The following TMEM154 variants were observed in gnomAD, a reference collection of about 807,000 sequenced individuals.
TMEM154 encodes transmembrane protein 154.
Under a neutral mutation model 24.5 loss-of-function variants are expected in TMEM154, and 27 were observed. The ratio of observed to expected loss-of-function variants is 1.10; its 90% confidence interval spans 0.81 to 1.52. The LOEUF (loss-of-function observed/expected upper bound fraction) is 1.52. Ranked by LOEUF, TMEM154 falls within the 40% of genes most tolerant of loss-of-function variation. The pLI is 0.00. For missense variants in TMEM154, 228 were observed against 213.4 expected (o/e 1.07, Z -0.43); for synonymous variants, 67 against 76.8 (o/e 0.87, Z 0.67).
chr4:152,646,242 AG>A (rs1728226719), intron 3 of TMEM154, among the ~76,000 whole-genome samples: 1 of 152,140 alleles, frequency 6.6e-6, no homozygotes, highest in African/African-American at 2.4e-5. Context: ...CACAGGCTTC[AG>A]GGTGAGCAAA....
intron 3 of TMEM154, chr4:152,646,959 A>G: frequency 1.4e-6 from 1 of 704,058 alleles, no homozygotes; most frequent in South Asian, 1.5e-5. Context: ...GAGACCTCAC[A>G]CATCAAGACA....
rs1367172426 is a variant in TMEM154 at position 152,675,160 on chromosome 4, A to AG, written c.64+4709_64+4710insC. Among the ~76,000 whole-genome samples, 17 of 151,062 alleles carry AG rather than the reference A, an allele frequency of 1.1e-4. No homozygotes were observed. The East Asian group carries it at 1.7e-3, about 16-fold the overall frequency. On this transcript the variant is annotated intron_variant, in intron 1 of 6. Coordinates refer to ENST00000304385, the MANE Select transcript of TMEM154 (RefSeq NM_152680.3). ...CAGCAGAGCGAGGCTCCATCTCAAA[A>AG]AAAAAAAAAAAAAAAAAGAATGTGA... is the stretch of plus-strand genomic sequence containing the variant.
rs186466850 is a variant in TMEM154, at chr4:152,678,669, G to T, written c.64+1201C>A. On this transcript the variant is annotated intron_variant, in intron 1 of 6. Coordinates refer to ENST00000304385, the MANE Select transcript of TMEM154 (RefSeq NM_152680.3). ...GTTTCTTCACCTGTGTGCCCAATAT[G>T]GTTTGAGCTGCATCATCTTCAAGTT... Among the ~76,000 whole-genome samples the T allele has an allele frequency of 5.9e-5, 9 of 152,274 alleles. No homozygotes were observed. The East Asian group carries it at 1.7e-3, about 29-fold the overall frequency.
intron 3 of TMEM154, among the ~76,000 whole-genome samples, chr4:152,648,281 G>T (rs1303957782): frequency 6.6e-6 from 1 of 152,204 alleles, no homozygotes; most frequent in Non-Finnish European, 1.5e-5. Context: ...CTAGGAGTTT[G>T]AGACTTGCCT....
chr4:152,641,992 G>A (rs989315996), intron 5 of TMEM154, among the ~76,000 whole-genome samples: 6 of 128,770 alleles, frequency 4.7e-5, no homozygotes, highest in South Asian at 4.9e-4. Context: ...GCACAATCTC[G>A]GCTCACTGCA....
At position 152,629,910 on chromosome 4, in the gene TMEM154, T is replaced by C. The variant is rs115202153; in HGVS notation, c.537-1349A>G. On this transcript the variant is annotated intron_variant, in intron 6 of 6. Transcript: ENST00000304385. Reference sequence around the variant, plus strand: ...GAGACATTGTGTATAGGTTTGTGTGTGGTGTTTGTTCATGTTGTGAAGACA... The same window carrying C: ...GAGACATTGTGTATAGGTTTGTGTGCGGTGTTTGTTCATGTTGTGAAGACA... Among the ~76,000 whole-genome samples the C allele has an allele frequency of 8.8e-3, 1,342 of 152,232 alleles. 15 individuals carry two copies. The highest frequency in any genetic ancestry group is 0.013 in the Non-Finnish European group (863 of 67,990).
chr4:152,675,694 A>G (rs1467862884), intron 1 of TMEM154, among the ~76,000 whole-genome samples: 1 of 152,206 alleles, frequency 6.6e-6, no homozygotes, highest in Admixed American at 6.5e-5. Flanking sequence ...TAAAAGCCCA[A>G]TGGATGGCTT....
intron 1 of TMEM154, among the ~76,000 whole-genome samples, chr4:152,664,220 T>C (rs1158527885): frequency 2.0e-5 from 3 of 152,172 alleles, no homozygotes; most frequent in Admixed American, 2.0e-4. Context: ...TCAGGCCCTT[T>C]GCAAGGACAT....
intron 6 of TMEM154, among the ~76,000 whole-genome samples, chr4:152,630,876 A>G (rs953312310): frequency 6.6e-6 from 1 of 152,164 alleles, no homozygotes; most frequent in Non-Finnish European, 1.5e-5. Context: ...TTGTTCTGTA[A>G]TCTGCTTTTC....
At chr4:152,662,965 C>G in intron 1 of TMEM154, among the ~76,000 whole-genome samples, 1 of 152,212 alleles carries the variant, frequency 6.6e-6, no homozygotes, top group Middle Eastern at 3.2e-3. Flanking sequence ...AAGAGCTAGG[C>G]TTGAGACTGG....
At position 152,679,536 on chromosome 4, in the gene TMEM154, G is replaced by T. The variant is rs1035470086; in HGVS notation, c.64+334C>A. ...TCTGTTTCAGCCAATTGAAGCTTTT[G>T]TTTTTTTTTACATAAACTGCCAAAA... On this transcript the variant is annotated intron_variant, in intron 1 of 6. Transcript: ENST00000304385. Among the ~76,000 whole-genome samples the T allele has an allele frequency of 8.6e-5, 13 of 150,598 alleles. No homozygotes were observed. The East Asian group carries it at 2.1e-3, about 25-fold the overall frequency.
chr4:152,634,459 C>T (rs1246848656), intron 6 of TMEM154, among the ~76,000 whole-genome samples: 1 of 152,168 alleles, frequency 6.6e-6, no homozygotes, highest in Admixed American at 6.5e-5. Flanking sequence ...CCTTTCTCTT[C>T]AATAGAATGT....
At chr4:152,653,109 G>A (rs955038896) in intron 1 of TMEM154, among the ~76,000 whole-genome samples, 182 bp from the exon 2 acceptor site, 1 of 152,204 alleles carries the variant, frequency 6.6e-6, no homozygotes, top group African/African-American at 2.4e-5. Context: ...AGCTGGGAGT[G>A]TATTGAATAT....
chr4:152,668,576 T>A (rs1424490012), intron 1 of TMEM154: 1 of 152,088 alleles, frequency 6.6e-6, no homozygotes, highest in Non-Finnish European at 1.5e-5. Context: ...CACTCCTTGC[T>A]CGGCTCAGCA....
At chr4:152,628,585 AAAAAAAACAAAAAAAACAC>A (rs1561042609) in intron 6 of TMEM154, 24 bp from the exon 7 acceptor site, 8 of 1,109,650 alleles carry the variant, frequency 7.2e-6, no homozygotes, top group Non-Finnish European at 9.4e-6. Flanking sequence ...AAAAAAAAAA[AAAAAAAACAAAAAAAACAC>A]ACACACACAC....
rs1287048011 is a variant in TMEM154 at position 152,627,930 on chromosome 4, T to G, written c.*616A>C. ...CTACAAGTTACCAAACGCCACCTCA[T>G]CAGGACTGTGGACCCCTCTCACTGT... is the stretch of plus-strand genomic sequence containing the variant. On this transcript the variant is annotated 3_prime_UTR_variant, in exon 7 of 7. Transcript: ENST00000304385. 1.3e-5 allele frequency: 2 copies of G among 154,134 alleles called. No individual in the cohort carries two copies. The highest frequency in any genetic ancestry group is 4.8e-5 in the African/African-American group (2 of 41,462). The allele number at this position is 154,134 out of a possible 1,614,324, so 9.5% of individuals were successfully genotyped here.
In TMEM154 at chr4:152,640,943, G is replaced by A. The variant is rs150795516; in HGVS notation, c.521C>T (p.Ser174Leu). Residue 174 changes from serine (S) to leucine (L), a missense_variant, in exon 6 of 7, where the codon TCA becomes TTA. Coordinates refer to ENST00000304385, the MANE Select transcript of TMEM154 (RefSeq NM_152680.3). ...TGAGAAGTACCTTGGGTTGTGATTT[G>A]ATTCCTTCTCTTCCTTCAAGGTAGG... ...CLPTLKEEKE[S>L]NHNPSDSES The A allele has an allele frequency of 1.3e-3, 1,975 of 1,566,734 alleles. 6 individuals are homozygous for A. The highest frequency in any genetic ancestry group is 3.8e-3 in the South Asian group (342 of 89,770).
At position 152,628,217 on chromosome 4, in the gene TMEM154, C is replaced by A. The variant is rs919453503; in HGVS notation, c.*329G>T. 25 of 391,956 alleles carry A rather than the reference C, an allele frequency of 6.4e-5. No individual in the cohort carries two copies. Among genetic ancestry groups the A allele is most frequent in the Middle Eastern group, 7.0e-4 (1 of 1,422 alleles). The allele number at this position is 391,956 out of a possible 1,614,324, so 24.3% of individuals were successfully genotyped here. On this transcript the variant is annotated 3_prime_UTR_variant, in exon 7 of 7. Transcript: ENST00000304385. ...AAAGGTGACGAACATTTATCATGAC[C>A]AGAGTGAGTTCAGTGAGCTAGAAGT...
chr4:152,630,412 C>A (rs1435116672), intron 6 of TMEM154, among the ~76,000 whole-genome samples: 1 of 151,712 alleles, frequency 6.6e-6, no homozygotes, highest in Non-Finnish European at 1.5e-5. Flanking sequence ...GATATGACAA[C>A]CCCTTTCACT....
Sources: allele counts gnomAD v4.1 joint callset (sites outside exome capture counted in the v4.1 genomes callset), GRCh38; gene constraint gnomAD v4.1.1; transcripts MANE v1.5; gene names NCBI Gene and HGNC (gene_info 2026-07-23, HGNC 2026-07-21).